Variants in SLC24A4 observed in about 807,000 individuals in gnomAD.
SLC24A4 encodes solute carrier family 24 member 4.
Under a neutral mutation model 79.0 loss-of-function variants are expected in SLC24A4, and 53 were observed. The observed-to-expected ratio is 0.67, with a 90% CI of 0.54 to 0.84. The LOEUF is 0.84. Ranked by LOEUF, SLC24A4 falls within the 40% of genes least tolerant of loss-of-function variation. The pLI is 0.00. For synonymous variants in SLC24A4, 323 were observed against 323.8 expected, an observed-to-expected ratio of 1.00 and a Z score of 0.03; for missense variants, 731 against 822.0, an observed-to-expected ratio of 0.89 and a Z score of 1.35.
chr14:92,331,677 C>T (rs1370780209), intron 2 of SLC24A4, among the ~76,000 whole-genome samples: 7 of 152,312 alleles, frequency 4.6e-5, no homozygotes, highest in East Asian at 1.9e-4. Context: ...AACCATAATA[C>T]GTGCTTCACT....
chr14:92,368,410 A>G (rs1381928854), intron 2 of SLC24A4, among the ~76,000 whole-genome samples: 1 of 152,032 alleles, frequency 6.6e-6, no homozygotes, highest in Non-Finnish European at 1.5e-5. Context: ...TTTTTTTCCT[A>G]TCAGTCTTTG....
rs748657139 is a variant in SLC24A4, at chr14:92,493,717, C to T, written c.*89C>T. The T allele has an allele frequency of 1.3e-5, 19 of 1,435,730 alleles. No individual in the cohort carries two copies. Among genetic ancestry groups the T allele is most frequent in the Non-Finnish European group, 1.8e-5 (19 of 1,055,728 alleles). 88.9% of individuals were successfully genotyped at this position (1,435,730 alleles called of 1,614,324 possible). On this transcript the variant is annotated 3_prime_UTR_variant, in exon 17 of 17. Coordinates refer to ENST00000532405, the MANE Select transcript of SLC24A4 (RefSeq NM_153646.4). ...CTCCTTCCCCCACCACAGGTCTCTC[C>T]TGCATAGGCAGCCACTGTCCGTTCT...
intron 2 of SLC24A4, among the ~76,000 whole-genome samples, chr14:92,366,935 A>G (rs1887877489): frequency 6.6e-6 from 1 of 152,230 alleles, no homozygotes; most frequent in Non-Finnish European, 1.5e-5. Flanking sequence ...TGCCAGGACT[A>G]GAACGGGGTG....
intron 12 of SLC24A4, among the ~76,000 whole-genome samples, chr14:92,460,849 G>T (rs1893759462): frequency 6.6e-6 from 1 of 152,226 alleles, no homozygotes; most frequent in African/African-American, 2.4e-5. Context: ...GATTGCCGGG[G>T]TGGAGCCCGG....
intron 2 of SLC24A4, among the ~76,000 whole-genome samples, chr14:92,358,470 C>T (rs528855525): frequency 9.2e-5 from 14 of 152,088 alleles, no homozygotes; most frequent in East Asian, 5.8e-4. Context: ...GGGTGATGAC[C>T]GCTCACTCCG....
intron 2 of SLC24A4, among the ~76,000 whole-genome samples, chr14:92,423,668 A>G (rs1891411132): frequency 6.6e-6 from 1 of 152,254 alleles, no homozygotes; most frequent in Admixed American, 6.5e-5. Context: ...AGTTTACTAT[A>G]GCAAGGGAGT....
intron 3 of SLC24A4, among the ~76,000 whole-genome samples, chr14:92,435,813 CAG>C (rs1236579991): frequency 1.3e-5 from 2 of 152,158 alleles, no homozygotes; most frequent in Non-Finnish European, 2.9e-5. Context: ...ATTTCTATAA[CAG>C]AGTTATTATC....
chr14:92,483,040 A>G (rs75454884), intron 13 of SLC24A4, among the ~76,000 whole-genome samples, 194 bp downstream of exon 13: 113 of 152,276 alleles, frequency 7.4e-4, no homozygotes, highest in African/African-American at 2.6e-3. Flanking sequence ...GAATGCAGAG[A>G]CACAGCACAG....
Position 92,439,385 on chromosome 14 carries a change from T to C in SLC24A4, c.369T>C (p.Val123=), listed in dbSNP as rs756581623. The C allele has an allele frequency of 6.2e-7, 1 of 1,613,034 alleles. No individual in the cohort carries two copies. The highest frequency in any genetic ancestry group is 1.1e-5 in the South Asian group (1 of 91,084). ...CCATAGTGTGCGATGACTTCTTTGT[T>C]CCGTCTCTAGAGAAGATCTGTGAGG... ...ALAIVCDDFF[V]PSLEKICERL... Residue 123 remains valine, a synonymous_variant, in exon 4 of 17, where the codon GTT becomes GTC. Transcript: ENST00000532405.
In SLC24A4 at chr14:92,427,824, G is replaced by T. The variant is rs143227814; in HGVS notation, c.242-6088G>T. 4.1e-3 allele frequency among the ~76,000 whole-genome samples: 620 copies of T among 152,356 alleles called. 4 individuals carry two copies. Among genetic ancestry groups the T allele is most frequent in the African/African-American group, 0.014 (570 of 41,582 alleles). On this transcript the variant is annotated intron_variant, in intron 2 of 16. Coordinates refer to ENST00000532405, the MANE Select transcript of SLC24A4 (RefSeq NM_153646.4). The stretch of plus-strand genomic sequence containing the variant: ...ATTACATAGAAACCTAATTTCCAAG[G>T]TGATGTATTAGGAGGCGGGGCCTTT...
At chr14:92,394,168 T>C (rs1889644748) in intron 2 of SLC24A4, among the ~76,000 whole-genome samples, 2 of 152,090 alleles carry the variant, frequency 1.3e-5, no homozygotes, top group Non-Finnish European at 2.9e-5. Context: ...AGGAACAGTG[T>C]TGTGACCTCT....
At chr14:92,370,033 A>G (rs1888064379) in intron 2 of SLC24A4, among the ~76,000 whole-genome samples, 3 of 152,270 alleles carry the variant, frequency 2.0e-5, no homozygotes, top group Admixed American at 2.0e-4. Flanking sequence ...AACTATGGTA[A>G]GTATTAATTG....
chr14:92,472,956 A>T (rs1894518715), intron 12 of SLC24A4, among the ~76,000 whole-genome samples: 3 of 152,158 alleles, frequency 2.0e-5, no homozygotes, highest in Non-Finnish European at 4.4e-5. Flanking sequence ...CCCTTGCCCC[A>T]TGAAAGCCAC....
At chr14:92,372,382 A>G (rs1888217841) in intron 2 of SLC24A4, among the ~76,000 whole-genome samples, 1 of 152,120 alleles carries the variant, frequency 6.6e-6, no homozygotes, top group African/African-American at 2.4e-5. Flanking sequence ...GCTGCTGCCC[A>G]CAGACATTTG....
chr14:92,362,471 G>A (rs1468036391), intron 2 of SLC24A4, among the ~76,000 whole-genome samples: 2 of 152,160 alleles, frequency 1.3e-5, no homozygotes, highest in Non-Finnish European at 2.9e-5. Context: ...AGATGGACCG[G>A]TTGGGCAGGT....
At chr14:92,349,806 G>T (rs1886769956) in intron 2 of SLC24A4, among the ~76,000 whole-genome samples, 1 of 152,220 alleles carries the variant, frequency 6.6e-6, no homozygotes, top group Non-Finnish European at 1.5e-5. Context: ...TTAATGACTT[G>T]CTTTTTCAAA....
chr14:92,346,001 T>C (rs1036893371), intron 2 of SLC24A4, among the ~76,000 whole-genome samples: 2 of 151,898 alleles, frequency 1.3e-5, no homozygotes, highest in African/African-American at 4.8e-5. Context: ...ATCAGGTGTT[T>C]GGGGAGGTCT....
chr14:92,438,001 T>C (rs1278853805), intron 3 of SLC24A4, among the ~76,000 whole-genome samples: 1 of 152,166 alleles, frequency 6.6e-6, no homozygotes, highest in Non-Finnish European at 1.5e-5. Context: ...ACAAAATGCG[T>C]GTGGGTTTTT....
intron 2 of SLC24A4, among the ~76,000 whole-genome samples, chr14:92,351,758 G>A (rs1200267705): frequency 6.6e-6 from 1 of 152,134 alleles, no homozygotes; most frequent in Non-Finnish European, 1.5e-5. Context: ...CAGCTACTCA[G>A]GAGGCTGAGG....
Sources: gnomAD v4.1 joint callset for allele counts (sites outside exome capture counted in the v4.1 genomes callset) on GRCh38, gnomAD v4.1.1 for gene constraint, MANE v1.5 for transcripts, NCBI Gene and HGNC (gene_info 2026-07-23, HGNC 2026-07-21) for gene names.